Variants in CNTNAP4 observed in about 807,000 individuals in gnomAD.
CNTNAP4 encodes the protein contactin-associated protein-like 4.
Under a neutral mutation model 148.4 loss-of-function variants are expected in CNTNAP4, and 98 were observed. The ratio of observed to expected loss-of-function variants is 0.66; its 90% confidence interval spans 0.56 to 0.78. The LOEUF (loss-of-function observed/expected upper bound fraction) is 0.78. Ranked by LOEUF, CNTNAP4 falls within the 30% of genes least tolerant of loss-of-function variation. The pLI is 0.00. For missense variants in CNTNAP4, 1,935 were observed against 1,565.6 expected (o/e 1.24, Z -3.98); for synonymous variants, 730 against 565.1 (o/e 1.29, Z -4.14).
chr16:76,501,313 C>G (rs191717574), intron 15 of CNTNAP4, among the ~76,000 whole-genome samples: 23 of 152,198 alleles, frequency 1.5e-4, no homozygotes, highest in Admixed American at 1.5e-3. Context: ...TCACGTGTAC[C>G]TTTCACTTCT....
At chr16:76,447,795 T>A (rs185667330) in intron 4 of CNTNAP4, among the ~76,000 whole-genome samples, 1 of 152,234 alleles carries the variant, frequency 6.6e-6, no homozygotes, top group African/African-American at 2.4e-5. Flanking sequence ...AACTATGAGG[T>A]TTGGTGGGTT....
chr16:76,339,136 C>T (rs1012763708), intron 2 of CNTNAP4, among the ~76,000 whole-genome samples: 8 of 152,002 alleles, frequency 5.3e-5, no homozygotes, highest in African/African-American at 1.9e-4. Flanking sequence ...TAGGGAGATA[C>T]ATTCTATATG....
chr16:76,349,075 G>A (rs543695253), intron 2 of CNTNAP4, among the ~76,000 whole-genome samples: 12 of 152,118 alleles, frequency 7.9e-5, no homozygotes, highest in African/African-American at 1.4e-4. Flanking sequence ...TAGAAAGCAC[G>A]GCAAACACTC....
At chr16:76,519,243 A>G (rs2083367478) in intron 15 of CNTNAP4, among the ~76,000 whole-genome samples, 1 of 152,214 alleles carries the variant, frequency 6.6e-6, no homozygotes, top group Non-Finnish European at 1.5e-5. Context: ...AATAGACATT[A>G]TTATGTATAT....
At chr16:76,278,615 C>T (rs1344706255) in intron 1 of CNTNAP4, among the ~76,000 whole-genome samples, 2 of 152,174 alleles carry the variant, frequency 1.3e-5, no homozygotes, top group African/African-American at 4.8e-5. Flanking sequence ...GAATTTTCCC[C>T]TCCTGATTAA....
chr16:76,437,570 G>A (rs1232781908), intron 4 of CNTNAP4, among the ~76,000 whole-genome samples: 4 of 152,012 alleles, frequency 2.6e-5, no homozygotes, highest in Admixed American at 1.3e-4. Context: ...AAGTATGTTT[G>A]AATGAATGGG....
intron 1 of CNTNAP4, among the ~76,000 whole-genome samples, chr16:76,305,728 G>A (rs538927157): frequency 8.5e-4 from 129 of 152,198 alleles, no homozygotes; most frequent in African/African-American, 2.9e-3. Flanking sequence ...GGGTACATGT[G>A]TAGATTTGCT....
chr16:76,354,355 A>G (rs1403579907), intron 2 of CNTNAP4, among the ~76,000 whole-genome samples: 4 of 152,226 alleles, frequency 2.6e-5, no homozygotes, highest in African/African-American at 9.6e-5. Context: ...GTTGGATCAA[A>G]TATAACACAG....
chr16:76,506,472 G>A (rs1379884880), intron 15 of CNTNAP4, among the ~76,000 whole-genome samples: 1 of 39,906 alleles, frequency 2.5e-5, no homozygotes, highest in African/African-American at 4.4e-5. Flanking sequence ...CTTCTCTTCC[G>A]TTCCTTTTTT....
chr16:76,550,697 C>T (rs758675199), intron 21 of CNTNAP4, among the ~76,000 whole-genome samples: 15 of 150,296 alleles, frequency 1.0e-4, no homozygotes, highest in African/African-American at 2.7e-4. Context: ...AACTCCAAAT[C>T]AAGAATGCGG....
intron 2 of CNTNAP4, among the ~76,000 whole-genome samples, chr16:76,350,580 G>A (rs950334408): frequency 6.6e-6 from 1 of 152,076 alleles, no homozygotes; most frequent in African/African-American, 2.4e-5. Flanking sequence ...TGTGTTTTGC[G>A]GTCAATCAGT....
intron 15 of CNTNAP4, among the ~76,000 whole-genome samples, chr16:76,516,972 G>A (rs1446358315): frequency 1.3e-5 from 2 of 152,190 alleles, no homozygotes; most frequent in South Asian, 2.1e-4. Context: ...GCTGAGGCAG[G>A]AGAATCGCTT....
intron 10 of CNTNAP4, among the ~76,000 whole-genome samples, chr16:76,471,131 C>A (rs1212131534): frequency 2.0e-5 from 3 of 152,016 alleles, no homozygotes; most frequent in African/African-American, 7.2e-5. Flanking sequence ...CACACACACA[C>A]TCTTAGAAGC....
At chr16:76,400,583 C>T (rs974549027) in intron 3 of CNTNAP4, among the ~76,000 whole-genome samples, 9 of 152,084 alleles carry the variant, frequency 5.9e-5, no homozygotes, top group East Asian at 3.8e-4. Flanking sequence ...GTCGTGATTG[C>T]TTTCAATGTC....
chr16:76,524,278 A>G (rs2083615951), intron 17 of CNTNAP4, among the ~76,000 whole-genome samples: 3 of 152,204 alleles, frequency 2.0e-5, no homozygotes, highest in Admixed American at 1.3e-4. Flanking sequence ...GTATGAGAAG[A>G]AATATATAAC....
intron 17 of CNTNAP4, among the ~76,000 whole-genome samples, chr16:76,524,917 G>A (rs72799051): frequency 0.19 from 28,935 of 151,894 alleles, 3,464 homozygotes; most frequent in Middle Eastern, 0.31. Context: ...ACAGATAACT[G>A]TGAGCAAGCT....
intron 2 of CNTNAP4, among the ~76,000 whole-genome samples, chr16:76,318,753 T>C (rs9673763): frequency 7.0e-6 from 1 of 142,756 alleles, no homozygotes; most frequent in Non-Finnish European, 1.5e-5. Flanking sequence ...ATAATCATAA[T>C]AATATTCATA....
intron 15 of CNTNAP4, among the ~76,000 whole-genome samples, chr16:76,510,868 T>C (rs1045242619): frequency 1.3e-5 from 2 of 152,144 alleles, no homozygotes; most frequent in Non-Finnish European, 2.9e-5. Context: ...CTTTATTTTA[T>C]GCCATTGAGT....
chr16:76,510,548 A>G (rs1243497817), intron 15 of CNTNAP4, among the ~76,000 whole-genome samples: 1 of 151,822 alleles, frequency 6.6e-6, no homozygotes, highest in East Asian at 1.9e-4. Flanking sequence ...TAACCTCTTT[A>G]GGAACTGGCG....
Sources: gnomAD v4.1 joint callset for allele counts (sites outside exome capture counted in the v4.1 genomes callset) on GRCh38, gnomAD v4.1.1 for gene constraint, MANE v1.5 for transcripts, NCBI Gene and HGNC (gene_info 2026-07-23, HGNC 2026-07-21) for gene names.